KCNAB1: variants seen among roughly 807,000 people sequenced by gnomAD.
KCNAB1 encodes voltage-gated potassium channel subunit beta-1.
KCNAB1 carries 35 observed loss-of-function variants against 64.6 expected under a neutral mutation model. The ratio of observed to expected loss-of-function variants is 0.54; its 90% CI spans 0.41 to 0.72. The LOEUF (loss-of-function observed/expected upper bound fraction) is 0.72. KCNAB1 is among the 30% of genes least tolerant of loss of function. KCNAB1 has a pLI of 0.00. For synonymous variants in KCNAB1, 177 were observed against 183.8 expected (o/e 0.96, Z 0.30); for missense variants, 401 against 512.9 (o/e 0.78, Z 2.11).
At chr3:156,120,429 TAGGAA>T, upstream of KCNAB1, 3 of 712,854 alleles carry the variant, frequency 4.2e-6, no homozygotes, top group Non-Finnish European at 7.1e-6. Flanking sequence ...ACCTCTTCAC[TAGGAA>T]AGGTTAGAGA....
At chr3:156,342,575 CTA>C (rs1326420457) in intron 1 of KCNAB1, among the ~76,000 whole-genome samples, 3 of 141,060 alleles carry the variant, frequency 2.1e-5, no homozygotes, top group Non-Finnish European at 4.6e-5. Flanking sequence ...TGAAAGCTCC[CTA>C]TGTGTTTCTT....
intron 8 of KCNAB1, among the ~76,000 whole-genome samples, chr3:156,509,875 T>G (rs1183273789): frequency 2.6e-5 from 4 of 152,224 alleles, no homozygotes; most frequent in Non-Finnish European, 4.4e-5. Flanking sequence ...GACAGTTGAT[T>G]TTTCCTTTCA....
chr3:156,182,824 G>A (rs148102254), intron 1 of KCNAB1, among the ~76,000 whole-genome samples: 35 of 150,534 alleles, frequency 2.3e-4, no homozygotes, highest in Non-Finnish European at 4.0e-4. Context: ...TCAGCCTCCC[G>A]AGTAGCTGGG....
intron 1 of KCNAB1, among the ~76,000 whole-genome samples, chr3:156,138,487 C>T (rs79577682): frequency 2.6e-5 from 4 of 152,094 alleles, no homozygotes; most frequent in African/African-American, 7.2e-5. Context: ...TGGATGACTG[C>T]GACATGTCCA....
At chr3:156,250,875 G>C (rs1157415916) in intron 1 of KCNAB1, among the ~76,000 whole-genome samples, 1 of 152,202 alleles carries the variant, frequency 6.6e-6, no homozygotes, top group Non-Finnish European at 1.5e-5. Context: ...TTCCTTTAAA[G>C]ACTGGTTATC....
At chr3:156,460,872 G>A (rs1433177057) in intron 5 of KCNAB1, among the ~76,000 whole-genome samples, 1 of 152,050 alleles carries the variant, frequency 6.6e-6, no homozygotes, top group Non-Finnish European at 1.5e-5. Flanking sequence ...GTATTTTTAG[G>A]GCTGCTTACT....
At chr3:156,425,166 G>A (rs1715730088) in intron 2 of KCNAB1, among the ~76,000 whole-genome samples, 2 of 152,184 alleles carry the variant, frequency 1.3e-5, no homozygotes, top group South Asian at 2.1e-4. Flanking sequence ...CACGACCTAC[G>A]TTCAACTGAG....
At chr3:156,426,025 G>A (rs1226222004) in intron 2 of KCNAB1, among the ~76,000 whole-genome samples, 2 of 152,190 alleles carry the variant, frequency 1.3e-5, no homozygotes, top group Non-Finnish European at 2.9e-5. Flanking sequence ...TGGGTCACAT[G>A]TATAGAATAT....
At chr3:156,321,085 A>G (rs1722629598) in intron 1 of KCNAB1, among the ~76,000 whole-genome samples, 3 of 152,206 alleles carry the variant, frequency 2.0e-5, no homozygotes, top group African/African-American at 7.2e-5. Flanking sequence ...CCCAGGAAAG[A>G]GTGGATGCTG....
At position 156,405,681 on chromosome 3, in the gene KCNAB1, A is replaced by G. The variant is rs367727090; in HGVS notation, c.276-15935A>G. The stretch of plus-strand genomic sequence containing the variant: ...AAGATCATACTAAAACCAAATTTTT[A>G]TCTTGCTTTTTTTCATTTAACATGG... On this transcript the variant is annotated intron_variant, in intron 1 of 13. Transcript: ENST00000490337. Among the ~76,000 whole-genome samples the G allele has an allele frequency of 1.2e-4, 18 of 152,282 alleles. No homozygotes were observed. In the South Asian group the frequency reaches 3.7e-3, roughly 32 times the overall value.
intron 1 of KCNAB1, among the ~76,000 whole-genome samples, chr3:156,399,226 G>T (rs888752428): frequency 2.6e-5 from 4 of 152,124 alleles, no homozygotes; most frequent in Non-Finnish European, 5.9e-5. Flanking sequence ...CAATCTGTCT[G>T]GTGTTTCAGT....
intron 1 of KCNAB1, among the ~76,000 whole-genome samples, chr3:156,167,532 CA>C (rs1711662593): frequency 6.6e-6 from 1 of 152,072 alleles, no homozygotes; most frequent in African/African-American, 2.4e-5. Flanking sequence ...AAACAAACCC[CA>C]AGGGTGTTTT....
At chr3:156,211,855 G>A (rs1715028593) in intron 1 of KCNAB1, among the ~76,000 whole-genome samples, 2 of 152,220 alleles carry the variant, frequency 1.3e-5, no homozygotes, top group African/African-American at 2.4e-5. Context: ...TCTGAGATGT[G>A]GAAAGCCCAG....
At position 156,299,342 on chromosome 3, in the gene KCNAB1, C is replaced by T. The variant is rs114444446; in HGVS notation, c.276-122274C>T. Among the ~76,000 whole-genome samples the T allele has an allele frequency of 3.9e-3, 596 of 152,352 alleles. 4 individuals carry two copies. Among genetic ancestry groups the T allele is most frequent in the African/African-American group, 0.014 (571 of 41,574 alleles). ...GCTGAGAGAGCCAGACCAACTTTCT[C>T]CATCTCCTGTAGAGCCATGAGGACC... On this transcript the variant is annotated intron_variant, in intron 1 of 13. Transcript: ENST00000490337.
intron 1 of KCNAB1, among the ~76,000 whole-genome samples, chr3:156,395,941 C>T (rs1351004349): frequency 6.6e-6 from 1 of 152,100 alleles, no homozygotes; most frequent in Non-Finnish European, 1.5e-5. Context: ...TCAGTCCTGC[C>T]CAAGATTGGT....
At chr3:156,260,892 T>C (rs1026094793) in intron 1 of KCNAB1, among the ~76,000 whole-genome samples, 5 of 152,174 alleles carry the variant, frequency 3.3e-5, no homozygotes, top group African/African-American at 1.2e-4. Flanking sequence ...TTTCTCCACA[T>C]TTTCACTAAT....
At chr3:156,206,041 C>T (rs1194280483) in intron 1 of KCNAB1, among the ~76,000 whole-genome samples, 2 of 152,216 alleles carry the variant, frequency 1.3e-5, no homozygotes, top group Non-Finnish European at 2.9e-5. Flanking sequence ...TCATATTCTA[C>T]CTTCAAGAAT....
At chr3:156,531,761 G>A (rs1427663347) in intron 13 of KCNAB1, among the ~76,000 whole-genome samples, 1 of 152,198 alleles carries the variant, frequency 6.6e-6, no homozygotes, top group Admixed American at 6.5e-5. Flanking sequence ...TGACTTCCCA[G>A]GCCTCGCCAT....
At chr3:156,366,169 G>A (rs1725932668) in intron 1 of KCNAB1, among the ~76,000 whole-genome samples, 1 of 152,184 alleles carries the variant, frequency 6.6e-6, no homozygotes, top group African/African-American at 2.4e-5. Flanking sequence ...ATGGGAAATG[G>A]CAAACTGATG....
Sources: allele counts gnomAD v4.1 joint callset (sites outside exome capture counted in the v4.1 genomes callset), GRCh38; gene constraint gnomAD v4.1.1; transcripts MANE v1.5; gene names NCBI Gene and HGNC (gene_info 2026-07-23, HGNC 2026-07-21).